Variants in VSIG10 observed in about 807,000 individuals in gnomAD.
VSIG10 encodes the protein V-set and immunoglobulin domain containing 10.
VSIG10 carries 48 observed loss-of-function variants against 58.7 expected under a neutral mutation model. The observed-to-expected ratio is 0.82, with a 90% confidence interval of 0.65 to 1.04. VSIG10 has a LOEUF of 1.04. Among genes scored for constraint, VSIG10 ranks in the 50% least tolerant of loss-of-function variants. The probability of loss-of-function intolerance (pLI) is 0.00; values close to 1 mark genes in which losing one functional copy is unlikely to be tolerated. For missense variants in VSIG10, 628 were observed against 670.0 expected (o/e 0.94, Z 0.69); for synonymous variants, 260 against 267.1 (o/e 0.97, Z 0.26).
In VSIG10 at chr12:118,071,380, T is replaced by A. The variant is rs751152685; in HGVS notation, c.1309A>T (p.Ser437Cys). The A allele has an allele frequency of 6.2e-6, 10 of 1,613,912 alleles. No homozygotes were observed. The Admixed American group carries it at 1.0e-4, about 16-fold the overall frequency. ...TTACCTTTCCAGCAGAACACAGGGC[T>A]ATAATGCAACAGAAGCCCTGAGATA... Reference protein sequence around the residue: ...AIISGLLLHYSPVFCWKVGNT... With the variant: ...AIISGLLLHYCPVFCWKVGNT... Residue 437 changes from serine to cysteine, a missense_variant, in exon 6 of 9, where the codon AGC becomes TGC. Transcript: ENST00000359236.
intron 1 of VSIG10, among the ~76,000 whole-genome samples, chr12:118,098,202 T>C (rs2033519424): frequency 6.6e-6 from 1 of 152,142 alleles, no homozygotes; most frequent in Admixed American, 6.6e-5. Context: ...GCTTTGGCTT[T>C]GTTTCCACTG....
At position 118,088,966 on chromosome 12, in the gene VSIG10, GAGAC is replaced by G. The variant is rs1212714392; in HGVS notation, c.362-6541_362-6538del. On this transcript the variant is annotated intron_variant, in intron 2 of 8. Coordinates refer to ENST00000359236, the MANE Select transcript of VSIG10 (RefSeq NM_019086.6). ...CTTTTTCTTTTTTTTTTTTTTTTAT[GAGAC>G]AGACTCTTGTTCTGTCACCCAGGCT... Among the ~76,000 whole-genome samples, 5 of 142,526 alleles carry G rather than the reference GAGAC, an allele frequency of 3.5e-5. No homozygotes were observed. The East Asian group carries it at 6.2e-4, about 18-fold the overall frequency. The allele number at this position is 142,526 out of a possible 152,430, so 93.5% of individuals were successfully genotyped here. A position where few individuals can be genotyped will look rare whatever the true frequency, so the allele number is the denominator to read the frequency against.
intron 5 of VSIG10, 102 bp from the exon 6 acceptor site, chr12:118,071,571 T>C: frequency 9.3e-7 from 1 of 1,073,124 alleles, no homozygotes; most frequent in Non-Finnish European, 1.4e-6. Context: ...TCTTGATTCC[T>C]GACCTTGGGT....
At chr12:118,078,439 G>T (rs1455855861) in intron 4 of VSIG10, among the ~76,000 whole-genome samples, 1 of 152,096 alleles carries the variant, frequency 6.6e-6, no homozygotes, top group African/African-American at 2.4e-5. Context: ...GATTACAGGT[G>T]TGAGCTACCA....
In VSIG10 at chr12:118,073,826, G is replaced by A; in HGVS notation, c.1092C>T (p.Thr364=). The change falls in exon 5 of 9, where the codon ACC becomes ACT. Residue 364 remains threonine (T), a synonymous_variant. Coordinates refer to ENST00000359236, the MANE Select transcript of VSIG10 (RefSeq NM_019086.6). ...TGAGGGTGGAGTTCTGGCCATCCTG[G>A]GTAATGAGATGGCGGCTGCTAGGCT... ...IIQPSSRHLI[T]QDGQNSTLTI... is the part of the protein sequence containing the mutation. 6.2e-7 allele frequency: 1 copy of A among 1,613,958 alleles called. No homozygotes were observed. The highest frequency in any genetic ancestry group is 8.5e-7 in the Non-Finnish European group (1 of 1,179,884).
At chr12:118,091,780 G>A (rs1009052640) in intron 2 of VSIG10, among the ~76,000 whole-genome samples, 9 of 151,502 alleles carry the variant, frequency 5.9e-5, no homozygotes, top group South Asian at 4.2e-4. Flanking sequence ...TTTTTGAGAC[G>A]GAGTTTCACT....
Position 118,065,229 on chromosome 12 carries a change from A to G in VSIG10, c.*1410T>C, listed in dbSNP as rs2032206838. 1 of 152,226 alleles carries G rather than the reference A, an allele frequency of 6.6e-6. No homozygotes were observed. Among genetic ancestry groups the G allele is most frequent in the Admixed American group, 6.5e-5 (1 of 15,286 alleles). 9.4% of individuals were successfully genotyped at this position (152,226 alleles called of 1,614,324 possible). ...CCAAGACTGAGAAAGAGTCCAGATG[A>G]GCTGGTTTGCCCAAGCAATTCTTAT... On this transcript the variant is annotated 3_prime_UTR_variant, in exon 9 of 9. Transcript: ENST00000359236.
intron 2 of VSIG10, among the ~76,000 whole-genome samples, chr12:118,087,717 A>G (rs2033166652): frequency 6.6e-6 from 1 of 151,732 alleles, no homozygotes; most frequent in Non-Finnish European, 1.5e-5. Context: ...ACACACTATT[A>G]GTCTCAGCTA....
At chr12:118,099,378 T>G (rs1335590817) in intron 1 of VSIG10, among the ~76,000 whole-genome samples, 1 of 152,040 alleles carries the variant, frequency 6.6e-6, no homozygotes, top group Admixed American at 6.6e-5. Context: ...GACTCAAGCA[T>G]TCCACTCAGA....
Position 118,082,206 on chromosome 12 carries a change from G to A in VSIG10, c.585C>T (p.Leu195=). The A allele has an allele frequency of 6.2e-7, 1 of 1,613,944 alleles. No individual in the cohort carries two copies. Among genetic ancestry groups the A allele is most frequent in the Non-Finnish European group, 8.5e-7 (1 of 1,179,880 alleles). Residue 195 remains leucine (L), a synonymous_variant, in exon 3 of 9, where the codon CTC becomes CTT. Coordinates refer to ENST00000359236, the MANE Select transcript of VSIG10 (RefSeq NM_019086.6). ...AGGCTAAACAGGTGTAGTTCCCTTG[G>A]AGGTTTGGCGATATCAGTAACAGTG... ...FFSLLLISPN[L]QGNYTCLALN... is the part of the protein sequence containing the mutation.
rs35469920 is a variant in VSIG10, at chr12:118,078,937, T to TAAAAAA, written c.925+403_925+408dup. Among the ~76,000 whole-genome samples, 43 of 39,916 alleles carry TAAAAAA rather than the reference T, an allele frequency of 1.1e-3. No individual in the cohort carries two copies. In the East Asian group the frequency reaches 0.019, roughly 18 times the overall value. 26.2% of individuals were successfully genotyped at this position (39,916 alleles called of 152,430 possible). A position where few individuals can be genotyped will look rare whatever the true frequency, so the allele number is the denominator to read the frequency against. ...CTGGGCAACAGAGCAAGACTCTGCC[T>TAAAAAA]AAAAAAAAAAAAAAAAAAAAAAAAA... On this transcript the variant is annotated intron_variant, in intron 4 of 8. Transcript: ENST00000359236.
chr12:118,079,397 T>C lies in VSIG10; in HGVS notation c.874A>G (p.Thr292Ala), dbSNP rs1222169544. 2 of 1,613,894 alleles carry C rather than the reference T, an allele frequency of 1.2e-6. No homozygotes were observed. Among genetic ancestry groups the C allele is most frequent in the African/African-American group, 2.7e-5 (2 of 74,922 alleles). Residue 292 changes from threonine (T) to alanine (A), a missense_variant, in exon 4 of 9, where the codon ACA (threonine) becomes GCA (alanine). Thr to Ala is a moderately conservative substitution (Grantham distance 58, BLOSUM62 0). Coordinates refer to ENST00000359236, the MANE Select transcript of VSIG10 (RefSeq NM_019086.6). Reference protein sequence around the residue: ...LSDGKKFKCVTSHIVGPESGA... With the variant: ...LSDGKKFKCVASHIVGPESGA... ...GACTCTGGCCCAACTATGTGGCTTG[T>C]AACACACTTGAACTTCTTGCCATCC...
At chr12:118,066,769 C>G (rs1593484983) in intron 8 of VSIG10, 75 bp from the exon 9 acceptor site, 2 of 1,452,512 alleles carry the variant, frequency 1.4e-6, no homozygotes, top group East Asian at 2.4e-5. Flanking sequence ...CATCAATCAT[C>G]TCAGTGATTT....
chr12:118,076,565 T>C (rs978737425), intron 4 of VSIG10, among the ~76,000 whole-genome samples: 1 of 152,060 alleles, frequency 6.6e-6, no homozygotes, highest in Non-Finnish European at 1.5e-5. Context: ...CTCAAACTCC[T>C]GGGCCCAAGC....
intron 3 of VSIG10, among the ~76,000 whole-genome samples, chr12:118,081,541 A>C (rs2032947751): frequency 6.6e-6 from 1 of 151,942 alleles, no homozygotes; most frequent in African/African-American, 2.4e-5. Context: ...ATTTAGGGGA[A>C]AGAAAAAAAA....
chr12:118,084,255 T>C (rs934153316), intron 2 of VSIG10, among the ~76,000 whole-genome samples: 1 of 152,174 alleles, frequency 6.6e-6, no homozygotes, highest in African/African-American at 2.4e-5. Context: ...CAAATATAGG[T>C]TGGCCAGTCA....
At position 118,066,581 on chromosome 12, in the gene VSIG10, G is replaced by A. The variant is rs769555825; in HGVS notation, c.*58C>T. ...GGAGTCAAAGCTGAATGAAGAGCTC[G>A]TCTTCAATGTAGCTCTCCAAGCTTT... is the stretch of plus-strand genomic sequence containing the variant. On this transcript the variant is annotated 3_prime_UTR_variant, in exon 9 of 9. Coordinates refer to ENST00000359236, the MANE Select transcript of VSIG10 (RefSeq NM_019086.6). 2.6e-5 allele frequency: 41 copies of A among 1,576,118 alleles called. No homozygotes were observed. The Admixed American group carries it at 2.7e-4, about 10-fold the overall frequency.
intron 2 of VSIG10, among the ~76,000 whole-genome samples, chr12:118,090,800 G>A (rs1377873966): frequency 1.3e-5 from 2 of 152,122 alleles, no homozygotes; most frequent in Non-Finnish European, 2.9e-5. Flanking sequence ...TTACAGGGAT[G>A]AGCCACTGTG....
chr12:118,103,720 C>T lies in VSIG10; in HGVS notation c.-49G>A, dbSNP rs2033680431. On this transcript the variant is annotated 5_prime_UTR_variant, in exon 1 of 9. Transcript: ENST00000359236. ...AAACGCAGGCTCGGGCTGGGCTGGACGTGTGTGCCCCAGGGCCCCGGGGCC... is the reference window on the plus strand; with the variant it reads ...AAACGCAGGCTCGGGCTGGGCTGGATGTGTGTGCCCCAGGGCCCCGGGGCC... 3 of 1,412,680 alleles carry T rather than the reference C, an allele frequency of 2.1e-6. No individual in the cohort carries two copies. The highest frequency in any genetic ancestry group is 2.8e-6 in the Non-Finnish European group (3 of 1,088,264). The allele number at this position is 1,412,680 out of a possible 1,614,324, so 87.5% of individuals were successfully genotyped here. A position where few individuals can be genotyped will look rare whatever the true frequency, so the allele number is the denominator to read the frequency against.
Sources: allele counts gnomAD v4.1 joint callset (sites outside exome capture counted in the v4.1 genomes callset), GRCh38; gene constraint gnomAD v4.1.1; transcripts MANE v1.5; gene names NCBI Gene and HGNC (gene_info 2026-07-23, HGNC 2026-07-21).